SKA1: variants seen among roughly 807,000 people sequenced by gnomAD.
SKA1 encodes the protein SKA complex subunit 1.
SKA1 carries 20 observed loss-of-function variants against 31.8 expected under a neutral mutation model. The ratio of observed to expected loss-of-function variants is 0.63; its 90% CI spans 0.44 to 0.91. The LOEUF is 0.91. SKA1 is among the 40% of genes least tolerant of loss of function. The pLI, the probability that SKA1 is intolerant of heterozygous loss-of-function variation, is 0.00. For missense variants in SKA1, 253 were observed against 298.2 expected, an observed-to-expected ratio of 0.85 and a Z score of 1.12; for synonymous variants, 88 against 100.5, an observed-to-expected ratio of 0.88 and a Z score of 0.74.
At chr18:50,390,651 G>T (rs1032121896) in intron 5 of SKA1, among the ~76,000 whole-genome samples, 1 of 152,128 alleles carries the variant, frequency 6.6e-6, no homozygotes, top group Non-Finnish European at 1.5e-5. Context: ...TGTCAACTTT[G>T]TTGTGGTCTT....
In SKA1 at chr18:50,379,816, G is replaced by A. The variant is rs574823409; in HGVS notation, c.89-310G>A. Among the ~76,000 whole-genome samples the A allele has an allele frequency of 5.3e-5, 8 of 152,234 alleles. No homozygotes were observed. The South Asian group carries it at 1.7e-3, about 32-fold the overall frequency. On this transcript the variant is annotated intron_variant, in intron 2 of 6. Transcript: ENST00000285116. ...GGAAATTTGCCTTTTTCTCATGAAA[G>A]CTTAGCTGTGGACGTAGAAGGATGC...
At chr18:50,389,186 G>A in intron 5 of SKA1, among the ~76,000 whole-genome samples, 1 of 151,964 alleles carries the variant, frequency 6.6e-6, no homozygotes, top group East Asian at 1.9e-4. Context: ...ACTCCTGTTG[G>A]TAGTGTGTGA....
intron 2 of SKA1, among the ~76,000 whole-genome samples, chr18:50,378,604 GGTTGAGGCTGCA>G (rs2041239889): frequency 6.6e-6 from 1 of 151,716 alleles, no homozygotes; most frequent in Non-Finnish European, 1.5e-5. Flanking sequence ...GAGCCTGGTA[GGTTGAGGCTGCA>G]GTGAGCTCCG....
chr18:50,378,851 G>A (rs2041241748), intron 2 of SKA1, among the ~76,000 whole-genome samples: 1 of 151,814 alleles, frequency 6.6e-6, no homozygotes, highest in African/African-American at 2.4e-5. Context: ...TATGAGCTGA[G>A]TGTCAAATGC....
At position 50,392,388 on chromosome 18, in the gene SKA1, A is replaced by G; in HGVS notation, c.*141A>G. 1 of 512,370 alleles carries G rather than the reference A, an allele frequency of 2.0e-6. No individual in the cohort carries two copies. The highest frequency in any genetic ancestry group is 2.9e-6 in the Non-Finnish European group (1 of 349,510). 31.7% of individuals were successfully genotyped at this position (512,370 alleles called of 1,614,324 possible). ...TTTTGAGACAGGATCTTGCTTTGTC[A>G]CCCAGGGGCTTGCTTTGTCACGCAG... On this transcript the variant is annotated 3_prime_UTR_variant, in exon 7 of 7. Coordinates refer to ENST00000285116, the MANE Select transcript of SKA1 (RefSeq NM_145060.4).
At chr18:50,387,103 T>G (rs2041315387) in intron 5 of SKA1, among the ~76,000 whole-genome samples, 1 of 152,264 alleles carries the variant, frequency 6.6e-6, no homozygotes, top group Non-Finnish European at 1.5e-5. Context: ...TGCCAATGGC[T>G]ATACCATTTT....
intron 6 of SKA1, among the ~76,000 whole-genome samples, 164 bp downstream of exon 6, chr18:50,391,457 G>T (rs1289621609): frequency 3.3e-5 from 5 of 152,110 alleles, no homozygotes; most frequent in Non-Finnish European, 7.4e-5. Context: ...AGACATTTTT[G>T]GTTGTTACAG....
At chr18:50,388,218 G>T (rs541810195) in intron 5 of SKA1, among the ~76,000 whole-genome samples, 1 of 152,280 alleles carries the variant, frequency 6.6e-6, no homozygotes, top group Admixed American at 6.5e-5. Flanking sequence ...CTCCAGAGTA[G>T]CTAGGACTAC....
At position 50,392,992 on chromosome 18, in the gene SKA1, G is replaced by A. The variant is rs2041372004; in HGVS notation, c.*745G>A. 1.3e-5 allele frequency: 2 copies of A among 152,160 alleles called. No homozygotes were observed. The highest frequency in any genetic ancestry group is 6.5e-5 in the Admixed American group (1 of 15,268). The allele number at this position is 152,160 out of a possible 1,614,324, so 9.4% of individuals were successfully genotyped here. On this transcript the variant is annotated 3_prime_UTR_variant, in exon 7 of 7. Transcript: ENST00000285116. ...GATCCGCCCACCTCGGCCTCCCAAA[G>A]TGCTGGGATTACAGGCGTGAGCCAC...
At chr18:50,389,673 A>G (rs966543046) in intron 5 of SKA1, among the ~76,000 whole-genome samples, 2 of 152,174 alleles carry the variant, frequency 1.3e-5, no homozygotes, top group Admixed American at 6.5e-5. Context: ...CTGAGATTAC[A>G]GGTGTGAGCC....
intron 5 of SKA1, among the ~76,000 whole-genome samples, chr18:50,385,952 T>A (rs2041304192): frequency 1.3e-5 from 2 of 152,126 alleles, no homozygotes; most frequent in South Asian, 4.1e-4. Flanking sequence ...TTGTTACCTT[T>A]TTATTATACG....
At chr18:50,385,187 C>T in intron 4 of SKA1, 29 bp from the exon 5 acceptor site, 1 of 1,538,848 alleles carries the variant, frequency 6.5e-7, no homozygotes, top group Middle Eastern at 1.7e-4. Context: ...TGAAAATTGC[C>T]TGTATGTATG....
At chr18:50,382,597 A>G (rs556962216) in intron 4 of SKA1, among the ~76,000 whole-genome samples, 3 of 151,840 alleles carry the variant, frequency 2.0e-5, no homozygotes, top group African/African-American at 4.8e-5. Context: ...AGATTCTGGT[A>G]GCATCCCTCC....
intron 4 of SKA1, among the ~76,000 whole-genome samples, chr18:50,383,115 C>T (rs77550644): frequency 0.075 from 11,428 of 152,200 alleles, 525 homozygotes; most frequent in Non-Finnish European, 0.11. Flanking sequence ...CTCTCTCTTC[C>T]CCCTTACAAG....
intron 4 of SKA1, 102 bp downstream of exon 4, chr18:50,382,328 C>T (rs918793785): frequency 3.7e-5 from 24 of 644,382 alleles, no homozygotes; most frequent in Non-Finnish European, 4.0e-5. Context: ...GTTTTGTCAG[C>T]GATGATCTAG....
rs573591543 is a variant in SKA1 at position 50,381,839 on chromosome 18, C to T, written c.214-290C>T. On this transcript the variant is annotated intron_variant, in intron 3 of 6. Transcript: ENST00000285116. ...CTCCCAGGTTCAAGCAGTTCTCCCC[C>T]CTCAGCCTCCTGAGTAGCTGGGACT... Among the ~76,000 whole-genome samples, 39 of 151,988 alleles carry T rather than the reference C, an allele frequency of 2.6e-4. No homozygotes were observed. The South Asian group carries it at 6.7e-3, about 26-fold the overall frequency.
At chr18:50,387,306 G>C (rs1388357517) in intron 5 of SKA1, among the ~76,000 whole-genome samples, 1 of 152,192 alleles carries the variant, frequency 6.6e-6, no homozygotes, top group African/African-American at 2.4e-5. Flanking sequence ...TGCTCTACCA[G>C]CTGAGCTATC....
intron 5 of SKA1, among the ~76,000 whole-genome samples, chr18:50,388,076 CTTTT>C (rs1044419455): frequency 2.3e-4 from 35 of 152,080 alleles, no homozygotes; most frequent in Admixed American, 1.8e-3. Flanking sequence ...GTTCCCATTT[CTTTT>C]GTTTGTTTTG....
In SKA1 at chr18:50,392,340, C is replaced by A; in HGVS notation, c.*93C>A. ...ATATATAATTTTTTTAACTTTTAAT[C>A]TTTTTTGTTTCCTTTTTTTTTTTTT... On this transcript the variant is annotated 3_prime_UTR_variant, in exon 7 of 7. Coordinates refer to ENST00000285116, the MANE Select transcript of SKA1 (RefSeq NM_145060.4). 40 of 802,336 alleles carry A rather than the reference C, an allele frequency of 5.0e-5. No homozygotes were observed. The highest frequency in any genetic ancestry group is 6.2e-5 in the Non-Finnish European group (37 of 595,452). 49.7% of individuals were successfully genotyped at this position (802,336 alleles called of 1,614,324 possible). A position where few individuals can be genotyped will look rare whatever the true frequency, so the allele number is the denominator to read the frequency against.
Sources: gnomAD v4.1 joint callset for allele counts (sites outside exome capture counted in the v4.1 genomes callset) on GRCh38, gnomAD v4.1.1 for gene constraint, MANE v1.5 for transcripts, NCBI Gene and HGNC (gene_info 2026-07-23, HGNC 2026-07-21) for gene names.